The following CIITA variants were observed in gnomAD, a reference collection of about 807,000 sequenced individuals.
CIITA encodes the protein MHC class II transactivator.
CIITA carries 72 observed loss-of-function variants against 115.1 expected under a neutral mutation model. The ratio of observed to expected loss-of-function variants is 0.63; its 90% confidence interval spans 0.52 to 0.76. The LOEUF (loss-of-function observed/expected upper bound fraction) is 0.76, where lower values mean the gene tolerates loss of function less well. Among genes scored for constraint, CIITA ranks in the 30% least tolerant of loss-of-function variants. The pLI is 0.00. For missense variants in CIITA, 1,617 were observed against 1,463.8 expected (o/e 1.10, Z -1.71); for synonymous variants, 763 against 635.6 (o/e 1.20, Z -3.02).
At chr16:10,914,493 AC>A (rs2039814584) in intron 13 of CIITA, among the ~76,000 whole-genome samples, 1 of 152,238 alleles carries the variant, frequency 6.6e-6, no homozygotes, top group Non-Finnish European at 1.5e-5. Flanking sequence ...CACTGCTGGC[AC>A]CATAATTTTA....
intron 15 of CIITA, 111 bp downstream of exon 15, chr16:10,916,570 C>T (rs969348352): frequency 2.2e-6 from 2 of 920,242 alleles, no homozygotes; most frequent in Non-Finnish European, 3.4e-6. Context: ...CTGTGTCACC[C>T]AGGCTAGAAT....
rs2041109167 is a variant in CIITA, at chr16:10,941,990, C to G, written n.1116C>G. On this transcript the variant is annotated non_coding_transcript_exon_variant, in exon 2 of 2. Coordinates refer to the CIITA transcript ENST00000573379. This position sits in a 1 kb window ranked among gnomAD's most constrained non-coding sequence, Gnocchi z 6.4. ...CCCAGTGCGTCCAGGTGGGCCGCGA[C>G]CCGGGCGCCGAGCATGCAGCGGGTG... is the stretch of plus-strand genomic sequence containing the variant. 6.8e-7 allele frequency: 1 copy of G among 1,477,410 alleles called. No homozygotes were observed. Among genetic ancestry groups the G allele is most frequent in the East Asian group, 2.9e-5 (1 of 34,626 alleles). 91.5% of individuals were successfully genotyped at this position (1,477,410 alleles called of 1,614,324 possible). A position where few individuals can be genotyped will look rare whatever the true frequency, so the allele number is the denominator to read the frequency against.
At chr16:10,921,771 C>T (rs2040284160) in intron 16 of CIITA, among the ~76,000 whole-genome samples, 1 of 152,210 alleles carries the variant, frequency 6.6e-6, no homozygotes, top group African/African-American at 2.4e-5. Flanking sequence ...GGTCTCAACT[C>T]TCTGGGTCTT....
intron 13 of CIITA, among the ~76,000 whole-genome samples, chr16:10,913,185 A>G (rs2039697901): frequency 6.6e-6 from 1 of 152,166 alleles, no homozygotes; most frequent in East Asian, 1.9e-4. Flanking sequence ...AGATATCTGC[A>G]TGGCTCATGC....
Position 10,942,647 on chromosome 16 carries a change from A to G in CIITA, n.1773A>G, listed in dbSNP as rs1227181462. 1 of 152,280 alleles carries G rather than the reference A, an allele frequency of 6.6e-6. No individual in the cohort carries two copies. Among genetic ancestry groups the G allele is most frequent in the Non-Finnish European group, 1.5e-5 (1 of 68,086 alleles). 9.4% of individuals were successfully genotyped at this position (152,280 alleles called of 1,614,324 possible). ...TTTCCTGGTTCGGGTCTGCCCTCAG[A>G]TCTCAAATCGAATTCGCTCTGCGTA... is the stretch of plus-strand genomic sequence containing the variant. On this transcript the variant is annotated non_coding_transcript_exon_variant, in exon 2 of 2. Coordinates refer to the CIITA transcript ENST00000573379. The surrounding 1 kb of genome is among the most constrained non-coding windows in gnomAD (Gnocchi z 5.0).
At chr16:10,875,535 T>A (rs1469519330), upstream of CIITA, among the ~76,000 whole-genome samples, 2 of 152,126 alleles carry the variant, frequency 1.3e-5, no homozygotes, top group Non-Finnish European at 2.9e-5. Flanking sequence ...TCAGCAAAAA[T>A]GCATGAGGCA....
intron 1 of CIITA, among the ~76,000 whole-genome samples, chr16:10,886,899 C>A (rs1303508037): frequency 6.6e-6 from 1 of 152,188 alleles, no homozygotes; most frequent in Non-Finnish European, 1.5e-5. Flanking sequence ...TTGTCTCTCT[C>A]CTAAAATATC....
chr16:10,874,067 C>T (rs2035665962), upstream of CIITA, among the ~76,000 whole-genome samples: 1 of 150,326 alleles, frequency 6.7e-6, no homozygotes, highest in African/African-American at 2.5e-5. Flanking sequence ...TTGCAACCTC[C>T]ACCTCCCCCA....
At chr16:10,875,177 T>C (rs1236752003), upstream of CIITA, among the ~76,000 whole-genome samples, 1 of 152,094 alleles carries the variant, frequency 6.6e-6, no homozygotes, top group Non-Finnish European at 1.5e-5. Context: ...CAGGCTGGTC[T>C]TCAACTCCTG....
intron 12 of CIITA, 121 bp downstream of exon 12, chr16:10,909,308 C>T: frequency 1.9e-6 from 2 of 1,050,312 alleles, no homozygotes; most frequent in East Asian, 2.5e-5. Context: ...ACCCCATGCC[C>T]TCTTTCTGGG....
chr16:10,922,097 G>C, intron 16 of CIITA, 70 bp from the exon 17 acceptor site: 1 of 1,351,092 alleles, frequency 7.4e-7, no homozygotes, highest in Non-Finnish European at 1.1e-6. Context: ...GGAATCTAGG[G>C]ATGGTGGCTT....
At chr16:10,911,579 G>C (rs2039587541) in intron 13 of CIITA, among the ~76,000 whole-genome samples, 2 of 146,664 alleles carry the variant, frequency 1.4e-5, no homozygotes, top group African/African-American at 5.1e-5. Flanking sequence ...TCTTGAGGCA[G>C]AGTCTTACTC....
chr16:10,885,421 T>A (rs1267553737), intron 1 of CIITA, among the ~76,000 whole-genome samples: 1 of 152,200 alleles, frequency 6.6e-6, no homozygotes, highest in Non-Finnish European at 1.5e-5. Context: ...ATCCTGCAAC[T>A]GTTTCCAGGC....
At position 10,895,414 on chromosome 16, in the gene CIITA, T is replaced by C. The variant is rs369154563; in HGVS notation, c.185T>C (p.Ile62Thr). ...DQMDLAGEEEIELYSEPDTDT... is the reference protein window; with the variant it reads ...DQMDLAGEEETELYSEPDTDT... ...ATGGACCTGGCTGGAGAAGAAGAGA[T>C]TGAGCTCTACTCAGGTGGGCCCTCC... Residue 62 changes from isoleucine (I) to threonine (T), a missense_variant, in exon 2 of 20, where the codon ATT becomes ACT. Transcript: ENST00000324288. 29 of 1,613,772 alleles carry C rather than the reference T, an allele frequency of 1.8e-5. No homozygotes were observed. The African/African-American group carries it at 3.1e-4, about 17-fold the overall frequency.
In CIITA at chr16:10,901,853, C is replaced by T; in HGVS notation, c.482-185C>T. 1.1e-6 allele frequency: 1 copy of T among 879,066 alleles called. No homozygotes were observed. The highest frequency in any genetic ancestry group is 1.5e-5 in the South Asian group (1 of 66,348). The allele number at this position is 879,066 out of a possible 1,614,324, so 54.5% of individuals were successfully genotyped here. The stretch of plus-strand genomic sequence containing the variant: ...CAGCATAGCTCTCAGAGCCAAGTCA[C>T]AAGGAGAGGACTGGGGGACTGCCTG... On this transcript the variant is annotated intron_variant, in intron 6 of 19. Coordinates refer to ENST00000324288, the MANE Select transcript of CIITA (RefSeq NM_000246.4). The surrounding 1 kb of genome is among the most constrained non-coding windows in gnomAD (Gnocchi z 6.8).
downstream of CIITA, chr16:10,936,434 AC>A (rs2041023917): frequency 6.6e-6 from 1 of 152,230 alleles, no homozygotes; most frequent in Non-Finnish European, 1.5e-5. Flanking sequence ...TATGAAAATT[AC>A]ACATATACAC....
chr16:10,874,266 G>A (rs921605677), upstream of CIITA, among the ~76,000 whole-genome samples: 1 of 152,200 alleles, frequency 6.6e-6, no homozygotes. Flanking sequence ...TTACAGGCGT[G>A]AGCCACCACG....
intron 1 of CIITA, among the ~76,000 whole-genome samples, chr16:10,882,401 G>A (rs1174935003): frequency 6.6e-6 from 1 of 152,114 alleles, no homozygotes; most frequent in Non-Finnish European, 1.5e-5. Context: ...GCAGCAGAGG[G>A]CAGCTGAAAG....
At chr16:10,893,194 C>T (rs746238302) in intron 1 of CIITA, among the ~76,000 whole-genome samples, 1 of 152,190 alleles carries the variant, frequency 6.6e-6, no homozygotes, top group Non-Finnish European at 1.5e-5. Flanking sequence ...GCCCTGCTGA[C>T]ACCTTGGCTT....
Sources: allele counts gnomAD v4.1 joint callset (sites outside exome capture counted in the v4.1 genomes callset), GRCh38; gene constraint gnomAD v4.1.1; non-coding constraint Gnocchi (gnomAD v3.1); transcripts MANE v1.5; gene names NCBI Gene and HGNC (gene_info 2026-07-23, HGNC 2026-07-21).